The following OR52A5 variants were observed in gnomAD, a reference collection of about 807,000 sequenced individuals.
The protein encoded by OR52A5 is olfactory receptor family 52 subfamily A member 5, also known as olfactory receptor 52A5.
A neutral mutation model predicts 18.2 loss-of-function variants in OR52A5; 16 were observed. The ratio of observed to expected loss-of-function variants is 0.88; its 90% confidence interval spans 0.60 to 1.34. OR52A5 has a LOEUF of 1.34. OR52A5 is among the 40% of genes most tolerant of loss of function. The pLI is 0.00. For missense variants in OR52A5, 418 were observed against 383.0 expected (o/e 1.09, Z -0.76); for synonymous variants, 140 against 137.2 (o/e 1.02, Z -0.14).
Position 5,131,847 on chromosome 11 carries a change from T to C in OR52A5, c.796A>G (p.Arg266Gly), listed in dbSNP as rs1466655759. The change falls in exon 2 of 2, where the codon AGG (arginine) becomes GGG (glycine). Residue 266 changes from arginine (R) to glycine (G), a missense_variant. Coordinates refer to ENST00000307388, the MANE Select transcript of OR52A5 (RefSeq NM_001005160.3). The part of the protein sequence containing the change: ...LLAFFSFFTH[R>G]FGSHIPPYIH... ...TATGGTGGTATGTGTGAACCAAACC[T>C]GTGTGTGAAGAAAGAGAAGAAGGCA... is the stretch of plus-strand genomic sequence containing the variant. The C allele has an allele frequency of 6.2e-7, 1 of 1,614,060 alleles. No individual in the cohort carries two copies. Among genetic ancestry groups the C allele is most frequent in the South Asian group, 1.1e-5 (1 of 91,070 alleles).
rs1279344550 is a variant in OR52A5, at chr11:5,132,235, G to T, written c.408C>A (p.Thr136=). 8.1e-6 allele frequency: 13 copies of T among 1,613,968 alleles called. No individual in the cohort carries two copies. In the East Asian group the frequency reaches 2.5e-4, roughly 30 times the overall value. ...GAGTTAAGAACTGCTGGGAAAAGAT[G>T]GTGGCATGTCTCAAGGGGATACAGA... ...VAICIPLRHA[T]IFSQQFLTHI... is the part of the protein sequence containing the mutation. Residue 136 remains threonine (T), a synonymous_variant, in exon 2 of 2, where the codon ACC becomes ACA. Coordinates refer to ENST00000307388, the MANE Select transcript of OR52A5 (RefSeq NM_001005160.3).
chr11:5,133,195 C>A (rs1846359108), intron 1 of OR52A5, among the ~76,000 whole-genome samples: 1 of 151,468 alleles, frequency 6.6e-6, no homozygotes, highest in South Asian at 2.1e-4. Flanking sequence ...CGGTGAAACC[C>A]CATCTCTACT....
chr11:5,132,549 G>A lies in OR52A5; in HGVS notation c.94C>T (p.Pro32Ser), dbSNP rs1846351411. 2 of 1,613,872 alleles carry A rather than the reference G, an allele frequency of 1.2e-6. No individual in the cohort carries two copies. ...CCAATAAGATACATGGCAGAGAAAGGAATCCCAATCCAACACTGCACTGAC... is the reference window on the plus strand; with the variant it reads ...CCAATAAGATACATGGCAGAGAAAGAAATCCCAATCCAACACTGCACTGAC... ...LESVQCWIGIPFSAMYLIGVI... is the reference protein window; with the variant it reads ...LESVQCWIGISFSAMYLIGVI... Residue 32 changes from proline to serine, a missense_variant, in exon 2 of 2, where the codon CCT (proline) becomes TCT (serine). Coordinates refer to ENST00000307388, the MANE Select transcript of OR52A5 (RefSeq NM_001005160.3).
At position 5,132,184 on chromosome 11, in the gene OR52A5, C is replaced by G. The variant is rs140620773; in HGVS notation, c.459G>C (p.Arg153Ser). 1.3e-5 allele frequency: 21 copies of G among 1,613,930 alleles called. No individual in the cohort carries two copies. Among genetic ancestry groups the G allele is most frequent in the Non-Finnish European group, 1.7e-5 (20 of 1,180,018 alleles). ...LTHIGLGVTLRAAILIIPSLG... is the reference protein window; with the variant it reads ...LTHIGLGVTLSAAILIIPSLG... Reference sequence around the variant, plus strand: ...AGGAAGGTATTATAAGAATGGCAGCCCTGAGTGTCACCCCAAGTCCAATAT... The same window carrying G: ...AGGAAGGTATTATAAGAATGGCAGCGCTGAGTGTCACCCCAAGTCCAATAT... Residue 153 changes from arginine to serine, a missense_variant, in exon 2 of 2, where the codon AGG becomes AGC. By Grantham distance (110) the Arg-to-Ser change is moderately radical. Coordinates refer to ENST00000307388, the MANE Select transcript of OR52A5 (RefSeq NM_001005160.3).
chr11:5,133,154 G>A (rs1846358720), intron 1 of OR52A5, among the ~76,000 whole-genome samples: 1 of 152,014 alleles, frequency 6.6e-6, no homozygotes, highest in Admixed American at 6.6e-5. Context: ...TGGATCACGA[G>A]GTCAGGAGAT....
rs183596679 is a variant in OR52A5 at position 5,132,582 on chromosome 11, C to T, written c.61G>A (p.Gly21Ser). ...PSAFILIGIP[G>S]LESVQCWIGI... ...ATCCAACACTGCACTGACTCCAGACCAGGAATCCCAATTAGTATAAACGCA... is the reference window on the plus strand; with the variant it reads ...ATCCAACACTGCACTGACTCCAGACTAGGAATCCCAATTAGTATAAACGCA... Residue 21 changes from glycine (G) to serine (S), a missense_variant, in exon 2 of 2, where the codon GGT becomes AGT. Physicochemically the swap from Gly to Ser is moderately conservative, Grantham distance 56. Transcript: ENST00000307388. The T allele has an allele frequency of 1.8e-4, 287 of 1,613,682 alleles. No homozygotes were observed. The highest frequency in any genetic ancestry group is 6.6e-4 in the Middle Eastern group (4 of 6,080).
chr11:5,131,920 A>G lies in OR52A5; in HGVS notation c.723T>C (p.Phe241=). The G allele has an allele frequency of 6.2e-7, 1 of 1,614,218 alleles. No homozygotes were observed. Among genetic ancestry groups the G allele is most frequent in the Non-Finnish European group, 8.5e-7 (1 of 1,180,010 alleles). The change falls in exon 2 of 2, where the codon TTT becomes TTC. Residue 241 remains phenylalanine (F), a synonymous_variant. Coordinates refer to ENST00000307388, the MANE Select transcript of OR52A5 (RefSeq NM_001005160.3). ...LPQKEARFKA[F]NTCIAHICVF... is the part of the protein sequence containing the mutation. The stretch of plus-strand genomic sequence containing the variant: ...CACAAATGTGGGCAATGCATGTATT[A>G]AAGGCCTTGAATCGTGCCTCCTTCT...
In OR52A5 at chr11:5,130,469, A is replaced by G. The variant is rs769671644; in HGVS notation, c.*1223T>C. 2 of 152,024 alleles carry G rather than the reference A, an allele frequency of 1.3e-5. No homozygotes were observed. Among genetic ancestry groups the G allele is most frequent in the Non-Finnish European group, 2.9e-5 (2 of 67,956 alleles). 9.4% of individuals were successfully genotyped at this position (152,024 alleles called of 1,614,324 possible). ...CAACCACTGAAATATTTAATGCTCT[A>G]ATCCAGAATTAAAATGGTTATTTCA... On this transcript the variant is annotated 3_prime_UTR_variant, in exon 2 of 2. Coordinates refer to ENST00000307388, the MANE Select transcript of OR52A5 (RefSeq NM_001005160.3).
Position 5,131,884 on chromosome 11 carries a change from C to T in OR52A5, c.759G>A (p.Gln253=). The change falls in exon 2 of 2, where the codon CAG becomes CAA. Residue 253 remains glutamine (Q), a synonymous_variant. Transcript: ENST00000307388. ...TCIAHICVFL[Q]FYLLAFFSFF... Reference sequence around the variant, plus strand: ...AAGAGAAGAAGGCAAGAAGGTAGAACTGTAGGAAGACACAAATGTGGGCAA... The same window carrying T: ...AAGAGAAGAAGGCAAGAAGGTAGAATTGTAGGAAGACACAAATGTGGGCAA... The T allele has an allele frequency of 6.2e-7, 1 of 1,614,158 alleles. No individual in the cohort carries two copies.
rs946505601 is a variant in OR52A5 at position 5,136,131 on chromosome 11, C to T, written c.-61+2180G>A. On this transcript the variant is annotated intron_variant, in intron 1 of 1. Coordinates refer to ENST00000307388, the MANE Select transcript of OR52A5 (RefSeq NM_001005160.3). Reference sequence around the variant, plus strand: ...AATTCAAACTTTGACAATGTATATACTGAGTAGTCAGAGAAAAGACAGCAA... The same window carrying T: ...AATTCAAACTTTGACAATGTATATATTGAGTAGTCAGAGAAAAGACAGCAA... 3.3e-5 allele frequency among the ~76,000 whole-genome samples: 5 copies of T among 152,076 alleles called. No homozygotes were observed. In the South Asian group the frequency reaches 1.0e-3, roughly 32 times the overall value.
chr11:5,133,970 C>G (rs1259197127), intron 1 of OR52A5, among the ~76,000 whole-genome samples: 1 of 152,064 alleles, frequency 6.6e-6, no homozygotes, highest in Non-Finnish European at 1.5e-5. Flanking sequence ...AGGACTGTTT[C>G]GATACTCTTT....
At chr11:5,133,927 G>T (rs1846368506) in intron 1 of OR52A5, among the ~76,000 whole-genome samples, 1 of 151,888 alleles carries the variant, frequency 6.6e-6, no homozygotes, top group African/African-American at 2.4e-5. Context: ...TTTATATAAA[G>T]GTGAAGATTT....
rs745818065 is a variant in OR52A5 at position 5,132,618 on chromosome 11, A to G, written c.25T>C (p.Phe9Leu). Residue 9 changes from phenylalanine to leucine, a missense_variant, in exon 2 of 2, where the codon TTC (phenylalanine) becomes CTC (leucine). By Grantham distance (22) the Phe-to-Leu change is conservative (BLOSUM62 0). Transcript: ENST00000307388. The part of the protein sequence containing the change: MPTFNGSV[F>L]MPSAFILIGI... ...ATTAGTATAAACGCAGAGGGCATGAAGACTGAGCCATTGAATGTCGGCATG... is the reference window on the plus strand; with the variant it reads ...ATTAGTATAAACGCAGAGGGCATGAGGACTGAGCCATTGAATGTCGGCATG... 6 of 1,597,858 alleles carry G rather than the reference A, an allele frequency of 3.8e-6. No individual in the cohort carries two copies. In the African/African-American group the frequency reaches 4.0e-5, roughly 11 times the overall value.
intron 1 of OR52A5, among the ~76,000 whole-genome samples, chr11:5,133,798 A>C (rs1846366700): frequency 6.6e-6 from 1 of 152,118 alleles, no homozygotes; most frequent in Non-Finnish European, 1.5e-5. Context: ...CTAAGCCTGA[A>C]CCATCATCTC....
intron 1 of OR52A5, among the ~76,000 whole-genome samples, chr11:5,133,764 C>T (rs1323552019): frequency 6.6e-6 from 1 of 152,044 alleles, no homozygotes; most frequent in Non-Finnish European, 1.5e-5. Context: ...TTTTCATTAC[C>T]TAGAAATAGG....
chr11:5,132,126 G>A lies in OR52A5; in HGVS notation c.517C>T (p.Arg173Ter), dbSNP rs139667116. The A allele has an allele frequency of 3.0e-5, 49 of 1,614,168 alleles. No homozygotes were observed. Among genetic ancestry groups the A allele is most frequent in the Middle Eastern group, 1.6e-4 (1 of 6,062 alleles). ...TAAGAGTGAGAGATGACTGTAGTTCGATAGTGTTTCAGACAGCATTTGATG... is the reference window on the plus strand; with the variant it reads ...TAAGAGTGAGAGATGACTGTAGTTCAATAGTGTTTCAGACAGCATTTGATG... ...GLIKCCLKHY[R>*]TTVISHSYCE... The change falls in exon 2 of 2, where the codon CGA becomes TGA. Residue 173 changes from arginine to a stop codon, truncating the protein, a stop_gained. Transcript: ENST00000307388. LOFTEE classifies it high-confidence loss of function.
rs749012050 is a variant in OR52A5 at position 5,131,680 on chromosome 11, A to C, written c.*12T>G. ...AGAACCAACCCTAAATCTCTATAGGAGTCACTAACGATCAAGTTACTTTTT... is the reference window on the plus strand; with the variant it reads ...AGAACCAACCCTAAATCTCTATAGGCGTCACTAACGATCAAGTTACTTTTT... On this transcript the variant is annotated 3_prime_UTR_variant, in exon 2 of 2. Transcript: ENST00000307388. The C allele has an allele frequency of 6.5e-7, 1 of 1,533,804 alleles. No individual in the cohort carries two copies. The highest frequency in any genetic ancestry group is 9.0e-7 in the Non-Finnish European group (1 of 1,112,074).
At position 5,130,039 on chromosome 11, in the gene OR52A5, T is replaced by A. The variant is rs1190634453; in HGVS notation, c.*1653A>T. On this transcript the variant is annotated 3_prime_UTR_variant, in exon 2 of 2. Transcript: ENST00000307388. ...TTTTCCATTAGATAATGTGCATTTT[T>A]AAGATCTTTGTTGTTTGTCTTCCCT... 1 of 152,166 alleles carries A rather than the reference T, an allele frequency of 6.6e-6. No individual in the cohort carries two copies. The highest frequency in any genetic ancestry group is 1.5e-5 in the Non-Finnish European group (1 of 68,014). The allele number at this position is 152,166 out of a possible 1,614,324, so 9.4% of individuals were successfully genotyped here. A position where few individuals can be genotyped will look rare whatever the true frequency, so the allele number is the denominator to read the frequency against.
chr11:5,134,711 A>G (rs1179174166), intron 1 of OR52A5, among the ~76,000 whole-genome samples: 2 of 151,782 alleles, frequency 1.3e-5, no homozygotes, highest in Admixed American at 6.6e-5. Flanking sequence ...TTCTTAATTT[A>G]TGAAATTAGC....
Sources: gnomAD v4.1 joint callset for allele counts (sites outside exome capture counted in the v4.1 genomes callset) on GRCh38, gnomAD v4.1.1 for gene constraint, MANE v1.5 for transcripts, NCBI Gene and HGNC (gene_info 2026-07-23, HGNC 2026-07-21) for gene names.